OLFML2A: variants seen among roughly 807,000 people sequenced by gnomAD.
OLFML2A encodes the protein olfactomedin like 2A, also known as olfactomedin-like protein 2A.
In OLFML2A, 47 loss-of-function variants were observed where a neutral mutation model predicts 60.9. The observed-to-expected ratio is 0.77, with a 90% CI of 0.61 to 0.98. The LOEUF is 0.98. OLFML2A is among the 50% of genes least tolerant of loss of function. The pLI, the probability that OLFML2A is intolerant of heterozygous loss-of-function variation, is 0.00. For synonymous variants in OLFML2A, 372 were observed against 375.0 expected, an observed-to-expected ratio of 0.99 and a Z score of 0.09; for missense variants, 922 against 879.8, an observed-to-expected ratio of 1.05 and a Z score of -0.61.
rs180831648 is a variant in OLFML2A, at chr9:124,813,978, A to G, written c.*3566A>G. 6.6e-6 allele frequency: 1 copy of G among 152,266 alleles called. No individual in the cohort carries two copies. Among genetic ancestry groups the G allele is most frequent in the Non-Finnish European group, 1.5e-5 (1 of 68,056 alleles). 9.4% of individuals were successfully genotyped at this position (152,266 alleles called of 1,614,324 possible). A position where few individuals can be genotyped will look rare whatever the true frequency, so the allele number is the denominator to read the frequency against. ...CCAGGTCTTCTTGCTGACCTCGTCT[A>G]CAAAGGCAAAGGAAGGCAAAGGAAG... On this transcript the variant is annotated 3_prime_UTR_variant, in exon 8 of 8. Coordinates refer to ENST00000373580, the MANE Select transcript of OLFML2A (RefSeq NM_182487.4).
intron 1 of OLFML2A, among the ~76,000 whole-genome samples, chr9:124,784,943 G>GTTTTTTTTGTTTTTTTTTT (rs1841429970): frequency 4.3e-5 from 3 of 69,542 alleles, no homozygotes; most frequent in African/African-American, 1.3e-4. Flanking sequence ...CCTTTTACTT[G>GTTTTTTTTGTTTTTTTTTT]TTTTTTTTTT....
intron 2 of OLFML2A, among the ~76,000 whole-genome samples, chr9:124,794,307 G>A (rs1841623390): frequency 6.6e-6 from 1 of 152,354 alleles, no homozygotes; most frequent in Middle Eastern, 3.4e-3. Flanking sequence ...TGGGGGCGAA[G>A]CAACTCTAAA....
At chr9:124,803,340 G>A (rs1841818466) in intron 5 of OLFML2A, among the ~76,000 whole-genome samples, 1 of 152,040 alleles carries the variant, frequency 6.6e-6, no homozygotes, top group African/African-American at 2.4e-5. Flanking sequence ...ATGGCTCACT[G>A]CAGCCTTGAC....
chr9:124,786,486 C>G (rs1394168933), intron 1 of OLFML2A, among the ~76,000 whole-genome samples: 1 of 151,632 alleles, frequency 6.6e-6, no homozygotes, highest in South Asian at 2.1e-4. Flanking sequence ...TTTGGGAGGC[C>G]GAGGCGGGCG....
chr9:124,801,825 A>G (rs1017446149), intron 5 of OLFML2A, among the ~76,000 whole-genome samples, 162 bp downstream of exon 5: 3 of 152,302 alleles, frequency 2.0e-5, no homozygotes, highest in Non-Finnish European at 4.4e-5. Flanking sequence ...CACCCCACTC[A>G]GGGGGTCATT....
At chr9:124,785,115 A>C (rs1226726087) in intron 1 of OLFML2A, among the ~76,000 whole-genome samples, 4 of 150,668 alleles carry the variant, frequency 2.7e-5, no homozygotes, top group Non-Finnish European at 4.4e-5. Flanking sequence ...CACCATGCCC[A>C]CCTAATTTTT....
chr9:124,799,363 T>C lies in OLFML2A; in HGVS notation c.541T>C (p.Tyr181His). The C allele has an allele frequency of 1.2e-6, 2 of 1,613,594 alleles. No homozygotes were observed. Among genetic ancestry groups the C allele is most frequent in the Non-Finnish European group, 1.7e-6 (2 of 1,179,706 alleles). Residue 181 changes from tyrosine (Y) to histidine (H), a missense_variant, in exon 4 of 8, where the codon TAT becomes CAT. Transcript: ENST00000373580. ...VRHLSEQLRH[Y>H]ENHSAIMLGI... ...CCACCTCAGTGAGCAGTTGAGGCAC[T>C]ATGAGAATCACTCTGCCATCATGCT...
At chr9:124,791,242 G>A (rs554662322) in intron 2 of OLFML2A, among the ~76,000 whole-genome samples, 11 of 152,332 alleles carry the variant, frequency 7.2e-5, no homozygotes, top group African/African-American at 2.4e-4. Flanking sequence ...AGAGAGGAAA[G>A]GAGGGCATTT....
At chr9:124,786,842 A>AC (rs1468064811) in intron 1 of OLFML2A, 133 bp from the exon 2 acceptor site, 21 of 772,434 alleles carry the variant, frequency 2.7e-5, no homozygotes, top group Non-Finnish European at 4.3e-5. Flanking sequence ...CTCTAATTGC[A>AC]CCCCCTCCTA....
At chr9:124,794,336 C>A (rs1841624355) in intron 2 of OLFML2A, among the ~76,000 whole-genome samples, 1 of 152,180 alleles carries the variant, frequency 6.6e-6, no homozygotes, top group African/African-American at 2.4e-5. Context: ...CAGATGCAGG[C>A]ACATGGAAGC....
intron 2 of OLFML2A, among the ~76,000 whole-genome samples, chr9:124,791,180 G>A (rs1480366088): frequency 1.3e-5 from 2 of 152,290 alleles, no homozygotes; most frequent in Non-Finnish European, 2.9e-5. Flanking sequence ...CCCCAAGGAG[G>A]GGATAGAAGG....
intron 2 of OLFML2A, among the ~76,000 whole-genome samples, chr9:124,794,441 A>G (rs1841625872): frequency 6.6e-6 from 1 of 152,104 alleles, no homozygotes; most frequent in Admixed American, 6.5e-5. Context: ...TGTTACAATG[A>G]TTAATTGGTA....
chr9:124,806,583 C>A, intron 6 of OLFML2A, among the ~76,000 whole-genome samples: 1 of 151,700 alleles, frequency 6.6e-6, no homozygotes, highest in East Asian at 1.9e-4. Context: ...GACTTTTTAA[C>A]TTTTTAAATT....
At chr9:124,784,355 C>A (rs1841418444) in intron 1 of OLFML2A, among the ~76,000 whole-genome samples, 1 of 152,108 alleles carries the variant, frequency 6.6e-6, no homozygotes, top group Non-Finnish European at 1.5e-5. Context: ...AGATGCCCAC[C>A]ACCACACCCG....
chr9:124,781,548 C>A (rs1369074794), intron 1 of OLFML2A, among the ~76,000 whole-genome samples: 1 of 152,112 alleles, frequency 6.6e-6, no homozygotes, highest in African/African-American at 2.4e-5. Flanking sequence ...AATCCCAGCA[C>A]TTTGGGAGCC....
chr9:124,780,445 C>G (rs923799259), intron 1 of OLFML2A, among the ~76,000 whole-genome samples: 1 of 152,176 alleles, frequency 6.6e-6, no homozygotes, highest in African/African-American at 2.4e-5. Flanking sequence ...GCCAGGGGAG[C>G]AGGAGGGGCT....
At chr9:124,806,808 C>A (rs1375540841) in intron 6 of OLFML2A, among the ~76,000 whole-genome samples, 1 of 151,928 alleles carries the variant, frequency 6.6e-6, no homozygotes, top group Non-Finnish European at 1.5e-5. Context: ...TGGGGTTTCA[C>A]CACATTGGCC....
intron 1 of OLFML2A, among the ~76,000 whole-genome samples, chr9:124,786,577 C>T (rs923641361): frequency 6.6e-6 from 1 of 151,468 alleles, no homozygotes; most frequent in Non-Finnish European, 1.5e-5. Flanking sequence ...AAAAATTAGC[C>T]GGGCGTGATG....
rs780021991 is a variant in OLFML2A at position 124,810,372 on chromosome 9, A to G, written c.1919A>G (p.Asn640Ser). 4.4e-6 allele frequency: 7 copies of G among 1,601,288 alleles called. No homozygotes were observed. In the African/African-American group the frequency reaches 9.3e-5, roughly 21 times the overall value. ...GAGCGGGTGCTGTACGCCTGGGACA[A>G]TGGCCACCAGCTCACCTACACCCTC... ...PKERVLYAWD[N>S]GHQLTYTLHF... Residue 640 changes from asparagine to serine, a missense_variant, in exon 8 of 8, where the codon AAT becomes AGT. Transcript: ENST00000373580.
Sources: allele counts gnomAD v4.1 joint callset (sites outside exome capture counted in the v4.1 genomes callset), GRCh38; gene constraint gnomAD v4.1.1; transcripts MANE v1.5; gene names NCBI Gene and HGNC (gene_info 2026-07-23, HGNC 2026-07-21).